Variants in RSU1 observed in about 807,000 individuals in gnomAD.
RSU1 encodes Ras suppressor protein 1.
A neutral mutation model predicts 31.1 loss-of-function variants in RSU1; 26 were observed. That is an observed-to-expected ratio of 0.84 (90% CI 0.61 to 1.16). The LOEUF is 1.16. RSU1 is among the 50% of genes most tolerant of loss of function. The probability of loss-of-function intolerance (pLI) is 0.00; values close to 1 mark genes in which losing one functional copy is unlikely to be tolerated. For synonymous variants in RSU1, 164 were observed against 136.3 expected (o/e 1.20, Z -1.41); for missense variants, 320 against 339.1 (o/e 0.94, Z 0.44).
intron 8 of RSU1, among the ~76,000 whole-genome samples, chr10:16,666,665 C>T (rs550610332): frequency 2.6e-5 from 4 of 152,130 alleles, no homozygotes; most frequent in Non-Finnish European, 5.9e-5. Flanking sequence ...TAGGTGGGCT[C>T]ACAGCCACCT....
At chr10:16,796,376 G>A (rs1263896103) in intron 2 of RSU1, among the ~76,000 whole-genome samples, 2 of 152,104 alleles carry the variant, frequency 1.3e-5, no homozygotes. Flanking sequence ...TTCACTGTGT[G>A]TGATGTCTCT....
chr10:16,722,840 G>A (rs139933219), intron 7 of RSU1, among the ~76,000 whole-genome samples: 18,224 of 104,746 alleles, frequency 0.17, 3,096 homozygotes, highest in African/African-American at 0.46. Context: ...CCACATATAT[G>A]TATATATACA....
chr10:16,743,376 C>A (rs775233821), intron 7 of RSU1, among the ~76,000 whole-genome samples: 1 of 152,174 alleles, frequency 6.6e-6, no homozygotes, highest in Non-Finnish European at 1.5e-5. Context: ...GTCACAATCT[C>A]CCTTGGTCCC....
At chr10:16,738,558 TACAAA>T (rs1035764288) in intron 7 of RSU1, among the ~76,000 whole-genome samples, 1 of 151,842 alleles carries the variant, frequency 6.6e-6, no homozygotes, top group African/African-American at 2.4e-5. Flanking sequence ...ATCATTGAAA[TACAAA>T]ACAAAGAATA....
At chr10:16,601,565 G>A (rs1833714737) in intron 8 of RSU1, among the ~76,000 whole-genome samples, 1 of 152,108 alleles carries the variant, frequency 6.6e-6, no homozygotes, top group African/African-American at 2.4e-5. Flanking sequence ...TCCCTTCTTG[G>A]TTTTCCCGAT....
chr10:16,605,578 G>A (rs1833789773), intron 8 of RSU1, among the ~76,000 whole-genome samples: 1 of 152,104 alleles, frequency 6.6e-6, no homozygotes, highest in South Asian at 2.1e-4. Flanking sequence ...CCAAAAATAT[G>A]GAGTGACTGA....
chr10:16,799,804 G>A (rs372742299), intron 2 of RSU1, among the ~76,000 whole-genome samples: 170 of 152,210 alleles, frequency 1.1e-3, no homozygotes, highest in African/African-American at 3.8e-3. Context: ...ACTCCAGCCC[G>A]CTCACACCTT....
At chr10:16,627,490 A>G (rs577422950) in intron 8 of RSU1, among the ~76,000 whole-genome samples, 3 of 152,282 alleles carry the variant, frequency 2.0e-5, no homozygotes, top group Admixed American at 2.0e-4. Flanking sequence ...ATGGTGGCTC[A>G]CACCTGTAAT....
chr10:16,608,891 G>A (rs938002245), intron 8 of RSU1, among the ~76,000 whole-genome samples: 10 of 152,052 alleles, frequency 6.6e-5, no homozygotes, highest in South Asian at 2.1e-4. Flanking sequence ...CCCTGGCTGC[G>A]GTGCCATCAT....
At chr10:16,725,581 T>G (rs954377923) in intron 7 of RSU1, among the ~76,000 whole-genome samples, 1 of 151,866 alleles carries the variant, frequency 6.6e-6, no homozygotes, top group Non-Finnish European at 1.5e-5. Context: ...GGTGCGCTTA[T>G]AACAGGGCTT....
At chr10:16,657,311 C>T (rs1257996428) in intron 8 of RSU1, among the ~76,000 whole-genome samples, 2 of 152,164 alleles carry the variant, frequency 1.3e-5, no homozygotes, top group African/African-American at 2.4e-5. Flanking sequence ...AGGTAACTTA[C>T]TTGACCATTC....
rs1021578692 is a variant in RSU1, at chr10:16,741,644, T to C, written c.598+10895A>G. Among the ~76,000 whole-genome samples, 10 of 152,126 alleles carry C rather than the reference T, an allele frequency of 6.6e-5. No individual in the cohort carries two copies. In the South Asian group the frequency reaches 1.7e-3, roughly 25 times the overall value. On this transcript the variant is annotated intron_variant, in intron 7 of 8. Coordinates refer to ENST00000345264, the MANE Select transcript of RSU1 (RefSeq NM_012425.4). ...TGATAAGTAGCATGGAAACCATGGG[T>C]GCCAGATGGGCCTTAAATATTCCTA...
intron 8 of RSU1, among the ~76,000 whole-genome samples, chr10:16,615,270 A>T (rs945662961): frequency 6.6e-6 from 1 of 152,214 alleles, no homozygotes; most frequent in Non-Finnish European, 1.5e-5. Context: ...ACTAAAAAAC[A>T]TCAAAAAAGA....
At chr10:16,638,611 G>C (rs970937376) in intron 8 of RSU1, among the ~76,000 whole-genome samples, 1 of 152,178 alleles carries the variant, frequency 6.6e-6, no homozygotes, top group Non-Finnish European at 1.5e-5. Flanking sequence ...CTGTGTTCTC[G>C]GAGATGGTAA....
At chr10:16,789,364 A>G (rs1273376937) in intron 2 of RSU1, among the ~76,000 whole-genome samples, 1 of 152,232 alleles carries the variant, frequency 6.6e-6, no homozygotes, top group African/African-American at 2.4e-5. Flanking sequence ...AAAAGTTAAT[A>G]AAAGATCTTT....
chr10:16,653,534 G>C (rs888652715), intron 8 of RSU1, among the ~76,000 whole-genome samples: 2 of 152,040 alleles, frequency 1.3e-5, no homozygotes, highest in Non-Finnish European at 2.9e-5. Flanking sequence ...TGAAACAATC[G>C]AGATTTTTTT....
chr10:16,762,736 T>C (rs1381644336), intron 4 of RSU1, among the ~76,000 whole-genome samples: 1 of 152,044 alleles, frequency 6.6e-6, no homozygotes, highest in Non-Finnish European at 1.5e-5. Flanking sequence ...CCCTATTATA[T>C]TGGCAAATAC....
At chr10:16,672,489 T>C (rs528296568) in intron 8 of RSU1, among the ~76,000 whole-genome samples, 1 of 152,218 alleles carries the variant, frequency 6.6e-6, no homozygotes, top group African/African-American at 2.4e-5. Flanking sequence ...GGCAAAAGGA[T>C]AAACAAACTG....
intron 7 of RSU1, among the ~76,000 whole-genome samples, chr10:16,700,195 A>T (rs1045685404): frequency 3.6e-4 from 55 of 152,194 alleles, no homozygotes; most frequent in African/African-American, 1.2e-3. Context: ...CGATCTGGGC[A>T]AATTTTTCAC....
Sources: allele counts gnomAD v4.1 joint callset (sites outside exome capture counted in the v4.1 genomes callset), GRCh38; gene constraint gnomAD v4.1.1; transcripts MANE v1.5; gene names NCBI Gene and HGNC (gene_info 2026-07-23, HGNC 2026-07-21).